Variants in ADGRB1 observed in about 807,000 individuals in gnomAD.
ADGRB1 encodes brain-specific angiogenesis inhibitor 1.
ADGRB1 carries 36 observed loss-of-function variants against 175.7 expected under a neutral mutation model. The ratio of observed to expected loss-of-function variants is 0.20; its 90% CI spans 0.16 to 0.27. The LOEUF is 0.27. Ranked by LOEUF, ADGRB1 falls within the 10% of genes least tolerant of loss-of-function variation. The probability of loss-of-function intolerance (pLI) is 1.00; values close to 1 mark genes in which losing one functional copy is unlikely to be tolerated. For synonymous variants in ADGRB1, 1,054 were observed against 979.4 expected, an observed-to-expected ratio of 1.08 and a Z score of -1.42; for missense variants, 1,731 against 2,255.3, an observed-to-expected ratio of 0.77 and a Z score of 4.71.
chr8:142,484,877 G>T, intron 13 of ADGRB1, 113 bp downstream of exon 13: 1 of 802,586 alleles, frequency 1.2e-6, no homozygotes, highest in Non-Finnish European at 2.0e-6. Flanking sequence ...GACAGCCTTT[G>T]TGGGCCCTCC....
chr8:142,454,587 G>A (rs759700148), intron 1 of ADGRB1, among the ~76,000 whole-genome samples: 7 of 152,164 alleles, frequency 4.6e-5, no homozygotes, highest in Non-Finnish European at 7.4e-5. Flanking sequence ...GGAGGCCCCC[G>A]CAGGCAGAGA....
At chr8:142,539,780 G>A (rs889636930) in intron 27 of ADGRB1, 4 of 367,726 alleles carry the variant, frequency 1.1e-5, no homozygotes, top group East Asian at 1.0e-4. Flanking sequence ...CCCTAGTGCC[G>A]CTCCCCCCCC....
chr8:142,495,513 A>G (rs1269602850), intron 17 of ADGRB1, among the ~76,000 whole-genome samples: 1 of 152,174 alleles, frequency 6.6e-6, no homozygotes, highest in Admixed American at 6.5e-5. Context: ...GGAGGCCAGA[A>G]TCTTGAAATC....
chr8:142,515,374 T>G (rs899892427), intron 18 of ADGRB1, among the ~76,000 whole-genome samples: 4 of 152,162 alleles, frequency 2.6e-5, no homozygotes, highest in African/African-American at 9.7e-5. Flanking sequence ...CTTCATCGCC[T>G]GGAACCTGCT....
At chr8:142,481,057 G>A (rs1841307975) in intron 9 of ADGRB1, among the ~76,000 whole-genome samples, 197 bp from the exon 10 acceptor site, 1 of 152,268 alleles carries the variant, frequency 6.6e-6, no homozygotes, top group Admixed American at 6.5e-5. Flanking sequence ...AGTCCTTGGG[G>A]CAGGTAGCAG....
Position 142,511,397 on chromosome 8 carries a change from G to A in ADGRB1, c.2817+324G>A, listed in dbSNP as rs1054562645. 1.3e-5 allele frequency among the ~76,000 whole-genome samples: 2 copies of A among 152,144 alleles called. No homozygotes were observed. Among genetic ancestry groups the A allele is most frequent in the Non-Finnish European group, 2.9e-5 (2 of 68,004 alleles). ...GGGAGCCTGGGCCTGGGGAGAGGCT[G>A]GGTCCTGAGCCGGGGGCTGGGAGGC... is the stretch of plus-strand genomic sequence containing the variant. On this transcript the variant is annotated intron_variant, in intron 18 of 30. Coordinates refer to ENST00000517894, the MANE Select transcript of ADGRB1 (RefSeq NM_001702.3). This position sits in a 1 kb window ranked among gnomAD's most constrained non-coding sequence, Gnocchi z 4.5.
intron 20 of ADGRB1, among the ~76,000 whole-genome samples, chr8:142,521,627 G>T (rs935874130): frequency 3.9e-5 from 6 of 152,256 alleles, no homozygotes; most frequent in Admixed American, 1.3e-4. Flanking sequence ...GGGGCGTGAC[G>T]TGCCCTCCCT....
chr8:142,477,597 G>A (rs914906967), intron 6 of ADGRB1, 48 bp downstream of exon 6: 1 of 1,580,034 alleles, frequency 6.3e-7, no homozygotes, highest in Non-Finnish European at 8.6e-7. Context: ...GAAGAAAGGG[G>A]AGGTCACAGT....
At chr8:142,468,040 G>A (rs747249570) in intron 2 of ADGRB1, among the ~76,000 whole-genome samples, 2 of 152,238 alleles carry the variant, frequency 1.3e-5, no homozygotes, top group Non-Finnish European at 2.9e-5. Flanking sequence ...TCAGAAAGAG[G>A]TGGGAGGATG....
At position 142,464,482 on chromosome 8, in the gene ADGRB1, G is replaced by T. The variant is rs372128329; in HGVS notation, c.284G>T (p.Gly95Val). ...KVAKAPVPCS[G>V]PGRVRTYQFD... ...GCCAAGGCGCCCGTGCCCTGCAGCG[G>T]CCCCGGCCGCGTGCGCACCTACCAG... The change falls in exon 2 of 31, where the codon GGC becomes GTC. Residue 95 changes from glycine (G) to valine (V), a missense_variant. This residue lies in a region of ADGRB1 where 383 missense variants were observed against 383.1 expected (regional missense o/e 1.00). Coordinates refer to ENST00000517894, the MANE Select transcript of ADGRB1 (RefSeq NM_001702.3). 4.4e-6 allele frequency: 7 copies of T among 1,581,328 alleles called. No homozygotes were observed. Among genetic ancestry groups the T allele is most frequent in the East Asian group, 4.7e-5 (2 of 42,892 alleles).
At chr8:142,453,847 G>C (rs774231152) in intron 1 of ADGRB1, among the ~76,000 whole-genome samples, 1 of 152,228 alleles carries the variant, frequency 6.6e-6, no homozygotes, top group African/African-American at 2.4e-5. Flanking sequence ...GGTGTCCCAC[G>C]GAAGGGCAGG....
At chr8:142,522,315 G>A (rs1587406316) in intron 21 of ADGRB1, among the ~76,000 whole-genome samples, 200 bp downstream of exon 21, 1 of 152,104 alleles carries the variant, frequency 6.6e-6, no homozygotes, top group Non-Finnish European at 1.5e-5. Context: ...TCTCTTTCAT[G>A]TCTAGATAAC....
At chr8:142,527,908 C>T (rs1844309566) in intron 24 of ADGRB1, among the ~76,000 whole-genome samples, 3 of 152,332 alleles carry the variant, frequency 2.0e-5, no homozygotes, top group African/African-American at 4.8e-5. Context: ...GCTGAGCTTC[C>T]AGGCCAGGTG....
chr8:142,456,981 C>T (rs945016459), intron 1 of ADGRB1, among the ~76,000 whole-genome samples: 5 of 152,212 alleles, frequency 3.3e-5, no homozygotes, highest in African/African-American at 7.2e-5. Flanking sequence ...GGCCTCAGAC[C>T]GGCCCCGGGG....
chr8:142,539,650 G>A, intron 27 of ADGRB1: 1 of 593,916 alleles, frequency 1.7e-6, no homozygotes, highest in Admixed American at 3.0e-5. Context: ...ATGATCAGAA[G>A]CTTCCAGAAC....
At chr8:142,499,653 G>A (rs1842395569) in intron 17 of ADGRB1, among the ~76,000 whole-genome samples, 1 of 152,230 alleles carries the variant, frequency 6.6e-6, no homozygotes, top group Non-Finnish European at 1.5e-5. Context: ...CGGCTGGGGT[G>A]GGTGGGGCTG....
intron 22 of ADGRB1, among the ~76,000 whole-genome samples, chr8:142,523,073 T>G (rs1443100806): frequency 1.3e-5 from 2 of 152,186 alleles, no homozygotes; most frequent in Admixed American, 6.5e-5. Flanking sequence ...GTTTGAGACA[T>G]GAGCTCTGGG....
intron 2 of ADGRB1, among the ~76,000 whole-genome samples, chr8:142,469,302 CAT>C (rs1262394649): frequency 6.9e-6 from 1 of 144,990 alleles, no homozygotes; most frequent in African/African-American, 2.6e-5. Context: ...TGCACGCGTG[CAT>C]GTGTGAATGT....
chr8:142,510,440 T>G lies in ADGRB1; in HGVS notation c.2676-492T>G, dbSNP rs1238778910. ...GCCCTGGGCCGCGGGGCCGGAGAGC[T>G]CCGGAGCGGACCCTCGCCGCGCTCC... On this transcript the variant is annotated intron_variant, in intron 17 of 30. Transcript: ENST00000517894. This position sits in a 1 kb window ranked among gnomAD's most constrained non-coding sequence, Gnocchi z 6.3. 6.7e-6 allele frequency among the ~76,000 whole-genome samples: 1 copy of G among 149,530 alleles called. No homozygotes were observed. Among genetic ancestry groups the G allele is most frequent in the Non-Finnish European group, 1.5e-5 (1 of 67,208 alleles).
Sources: allele counts gnomAD v4.1 joint callset (sites outside exome capture counted in the v4.1 genomes callset), GRCh38; gene constraint gnomAD v4.1.1; regional missense constraint gnomAD v4.1.1; non-coding constraint Gnocchi (gnomAD v3.1); transcripts MANE v1.5; gene names NCBI Gene and HGNC (gene_info 2026-07-23, HGNC 2026-07-21).